Variants in KALRN observed in about 807,000 individuals in gnomAD.
KALRN encodes kalirin RhoGEF kinase.
KALRN carries 70 observed loss-of-function variants against 353.7 expected under a neutral mutation model. The observed-to-expected ratio is 0.20, with a 90% confidence interval of 0.16 to 0.24. The LOEUF (loss-of-function observed/expected upper bound fraction) is 0.24. Among genes scored for constraint, KALRN ranks in the 10% least tolerant of loss-of-function variants. The probability of loss-of-function intolerance (pLI) is 1.00; values close to 1 mark genes in which losing one functional copy is unlikely to be tolerated. For synonymous variants in KALRN, 1,391 were observed against 1,434.8 expected, an observed-to-expected ratio of 0.97 and a Z score of 0.69; for missense variants, 2,791 against 3,756.7, an observed-to-expected ratio of 0.74 and a Z score of 6.72.
intron 13 of KALRN, among the ~76,000 whole-genome samples, chr3:124,409,568 G>A (rs1487832521): frequency 6.6e-6 from 1 of 152,202 alleles, no homozygotes; most frequent in Middle Eastern, 3.2e-3. Flanking sequence ...AAGAAGGCTG[G>A]AGAGGGCAGA....
chr3:124,183,811 G>A (rs2073905754), intron 1 of KALRN, among the ~76,000 whole-genome samples: 1 of 152,174 alleles, frequency 6.6e-6, no homozygotes, highest in South Asian at 2.1e-4. Context: ...GGGCATTTTT[G>A]TTTTAAAGTG....
chr3:124,250,756 A>G (rs1365664662), intron 3 of KALRN, among the ~76,000 whole-genome samples: 1 of 152,010 alleles, frequency 6.6e-6, no homozygotes. Context: ...GGAAAATGGG[A>G]GGGCTATGTG....
intron 37 of KALRN, among the ~76,000 whole-genome samples, chr3:124,638,364 T>C (rs530805908): frequency 1.3e-5 from 2 of 152,086 alleles, no homozygotes; most frequent in African/African-American, 4.8e-5. Context: ...ACCTGCTGTT[T>C]TCAGTACCTA....
intron 45 of KALRN, among the ~76,000 whole-genome samples, chr3:124,663,913 C>T (rs2085221569): frequency 6.6e-6 from 1 of 152,124 alleles, no homozygotes; most frequent in Non-Finnish European, 1.5e-5. Flanking sequence ...CTCCTCCTTG[C>T]CCTTTCAGCC....
At chr3:124,640,192 C>A (rs2081879941) in intron 37 of KALRN, among the ~76,000 whole-genome samples, 2 of 151,546 alleles carry the variant, frequency 1.3e-5, no homozygotes, top group Admixed American at 6.6e-5. Flanking sequence ...AATGAAAGTA[C>A]AATGTACAGA....
In KALRN at chr3:124,649,810, G is replaced by GATAGATAT. The variant is rs1192239408; in HGVS notation, c.5665-991_5665-990insTATAGATA. 4.9e-4 allele frequency among the ~76,000 whole-genome samples: 74 copies of GATAGATAT among 150,728 alleles called. 1 individual carries two copies. In the East Asian group the frequency reaches 0.014, roughly 29 times the overall value. On this transcript the variant is annotated intron_variant, in intron 37 of 59. Coordinates refer to ENST00000682506, the MANE Select transcript of KALRN (RefSeq NM_001388419.1). ...CTCAAAATAGATAGATAGATAGATA[G>GATAGATAT]ATAGATAGATAGATAGATAGATAGA...
chr3:124,266,785 A>G (rs1396429411), intron 4 of KALRN, among the ~76,000 whole-genome samples: 2 of 152,214 alleles, frequency 1.3e-5, no homozygotes, highest in African/African-American at 4.8e-5. Flanking sequence ...TGGTATAAAA[A>G]CAGTGACCTA....
intron 10 of KALRN, among the ~76,000 whole-genome samples, chr3:124,382,664 TA>T (rs1280345705): frequency 2.0e-5 from 3 of 152,222 alleles, no homozygotes; most frequent in African/African-American, 7.2e-5. Context: ...CACAAATTTT[TA>T]TTTATTGTCT....
intron 1 of KALRN, among the ~76,000 whole-genome samples, chr3:124,226,153 T>C (rs962868241): frequency 1.3e-5 from 2 of 152,176 alleles, no homozygotes; most frequent in African/African-American, 2.4e-5. Context: ...GTCTAACAGA[T>C]AAAGCCTAAT....
intron 5 of KALRN, among the ~76,000 whole-genome samples, chr3:124,281,017 C>T (rs957636727): frequency 6.6e-6 from 1 of 152,022 alleles, no homozygotes; most frequent in Non-Finnish European, 1.5e-5. Flanking sequence ...ATGTATCAAA[C>T]CTGCACATTG....
intron 5 of KALRN, among the ~76,000 whole-genome samples, chr3:124,282,668 C>T (rs1323155341): frequency 2.0e-5 from 3 of 152,312 alleles, no homozygotes; most frequent in South Asian, 4.1e-4. Context: ...TGAGCCACCA[C>T]GCCTGGCCTC....
intron 33 of KALRN, among the ~76,000 whole-genome samples, chr3:124,539,914 A>AC (rs1561249626): frequency 1.0e-5 from 1 of 97,362 alleles, no homozygotes; most frequent in African/African-American, 5.9e-5. Flanking sequence ...CACCAAGCTA[A>AC]TTTTTTTTGG....
intron 1 of KALRN, among the ~76,000 whole-genome samples, chr3:124,136,180 T>C (rs1223603085): frequency 6.6e-6 from 1 of 150,870 alleles, no homozygotes; most frequent in East Asian, 2.0e-4. Flanking sequence ...GGCTAAGAAC[T>C]GATAGTTTAG....
intron 1 of KALRN, among the ~76,000 whole-genome samples, chr3:124,116,111 G>T (rs2063435486): frequency 6.6e-6 from 1 of 152,172 alleles, no homozygotes; most frequent in Non-Finnish European, 1.5e-5. Context: ...ATATTCATGA[G>T]GCCAAGGCTG....
At chr3:124,046,079 CT>C (rs1433937582) in intron 1 of KALRN, among the ~76,000 whole-genome samples, 1 of 152,168 alleles carries the variant, frequency 6.6e-6, no homozygotes, top group African/African-American at 2.4e-5. Context: ...TCTTAATGAG[CT>C]GTAAACTTAT....
At chr3:124,245,772 T>C (rs1026629784) in intron 3 of KALRN, among the ~76,000 whole-genome samples, 1 of 152,204 alleles carries the variant, frequency 6.6e-6, no homozygotes, top group Non-Finnish European at 1.5e-5. Flanking sequence ...ATTAGTGATG[T>C]TGAGTATGTT....
intron 19 of KALRN, 36 bp from the exon 20 acceptor site, chr3:124,446,124 GC>G: frequency 1.4e-6 from 2 of 1,449,286 alleles, no homozygotes; most frequent in Non-Finnish European, 1.9e-6. Context: ...TTTGCTCAGA[GC>G]CCCTTGTGAC....
chr3:124,563,206 G>A (rs1401766204), intron 34 of KALRN, 117 bp downstream of exon 34: 1 of 1,090,280 alleles, frequency 9.2e-7, no homozygotes, highest in East Asian at 5.0e-5. Flanking sequence ...TTACCCTGTG[G>A]GGTTTCTTTG....
At chr3:124,405,887 G>A (rs905938072) in intron 13 of KALRN, among the ~76,000 whole-genome samples, 31 of 152,100 alleles carry the variant, frequency 2.0e-4, no homozygotes, top group South Asian at 8.3e-4. Context: ...CTCGTGATCC[G>A]CCCGCCTCGG....
Sources: gnomAD v4.1 joint callset for allele counts (sites outside exome capture counted in the v4.1 genomes callset) on GRCh38, gnomAD v4.1.1 for gene constraint, MANE v1.5 for transcripts, NCBI Gene and HGNC (gene_info 2026-07-23, HGNC 2026-07-21) for gene names.